RPH3A: variants seen among roughly 807,000 people sequenced by gnomAD.
RPH3A encodes the protein rabphilin-3A.
In RPH3A, 48 loss-of-function variants were observed where a neutral mutation model predicts 102.2. That is an observed-to-expected ratio of 0.47 (90% CI 0.37 to 0.60). The LOEUF (loss-of-function observed/expected upper bound fraction) is 0.60, where lower values mean the gene tolerates loss of function less well. RPH3A is among the 20% of genes least tolerant of loss of function. The probability of loss-of-function intolerance (pLI) is 0.00; values close to 1 mark genes in which losing one functional copy is unlikely to be tolerated. For missense variants in RPH3A, 781 were observed against 910.1 expected (o/e 0.86, Z 1.83); for synonymous variants, 310 against 324.3 (o/e 0.96, Z 0.47).
intron 17 of RPH3A, among the ~76,000 whole-genome samples, chr12:112,889,463 C>T (rs2043056284): frequency 6.6e-6 from 1 of 152,230 alleles, no homozygotes; most frequent in African/African-American, 2.4e-5. Context: ...AACCTTAACC[C>T]TTGCACCACG....
At chr12:112,763,621 A>C (rs1186165781) in intron 1 of RPH3A, among the ~76,000 whole-genome samples, 1 of 152,220 alleles carries the variant, frequency 6.6e-6, no homozygotes, top group Admixed American at 6.5e-5. Context: ...TTTATTATGC[A>C]GATGAAGCTT....
At chr12:112,598,639 G>A (rs1338530316) in intron 1 of RPH3A, among the ~76,000 whole-genome samples, 2 of 152,104 alleles carry the variant, frequency 1.3e-5, no homozygotes, top group East Asian at 3.8e-4. Flanking sequence ...AGCAGGCAGG[G>A]GTCATGAATA....
chr12:112,615,165 C>G (rs2039669149), intron 1 of RPH3A, among the ~76,000 whole-genome samples: 1 of 152,098 alleles, frequency 6.6e-6, no homozygotes, highest in African/African-American at 2.4e-5. Flanking sequence ...GCAAAAATAC[C>G]TAAGGCATGA....
chr12:112,812,903 G>A (rs2041604790), intron 2 of RPH3A, among the ~76,000 whole-genome samples: 2 of 152,210 alleles, frequency 1.3e-5, no homozygotes, highest in African/African-American at 4.8e-5. Context: ...CACACAGTAG[G>A]TGATAACTAC....
chr12:112,861,072 A>G (rs142885586), intron 5 of RPH3A, among the ~76,000 whole-genome samples: 1 of 152,218 alleles, frequency 6.6e-6, no homozygotes, highest in Non-Finnish European at 1.5e-5. Context: ...ATCAATGCAG[A>G]CATGCTCTGT....
rs113475850 is a variant in RPH3A, at chr12:112,724,037, T to C, written c.-139-68106T>C. ...TGCAATTATGACATACTTAACTTTT[T>C]CTTAAATTTTTTTGATTTTTTTTTT... On this transcript the variant is annotated intron_variant, in intron 1 of 21. Coordinates refer to the RPH3A transcript ENST00000543106. Among the ~76,000 whole-genome samples, 13 of 151,206 alleles carry C rather than the reference T, an allele frequency of 8.6e-5. 2 individuals are homozygous for C. The highest frequency in any genetic ancestry group is 3.1e-4 in the African/African-American group (13 of 41,280).
intron 19 of RPH3A, 21 bp downstream of exon 19, chr12:112,891,024 T>G (rs2043086386): frequency 6.2e-7 from 1 of 1,613,578 alleles, no homozygotes; most frequent in African/African-American, 1.3e-5. Context: ...GCCTTGGGGC[T>G]ACAGGTGGGC....
chr12:112,796,337 A>G (rs2041229293), intron 2 of RPH3A, among the ~76,000 whole-genome samples: 1 of 152,202 alleles, frequency 6.6e-6, no homozygotes, highest in Non-Finnish European at 1.5e-5. Flanking sequence ...TTCCCTGGGA[A>G]ATGCCTATGG....
At chr12:112,871,020 T>G (rs2136229041) in intron 10 of RPH3A, among the ~76,000 whole-genome samples, 1 of 152,360 alleles carries the variant, frequency 6.6e-6, no homozygotes. Flanking sequence ...ATGGAGAAAC[T>G]GAGCCTCAGA....
chr12:112,607,836 C>G (rs1005384177), intron 1 of RPH3A, among the ~76,000 whole-genome samples: 1 of 152,212 alleles, frequency 6.6e-6, no homozygotes, highest in Non-Finnish European at 1.5e-5. Flanking sequence ...CCATTAAATG[C>G]ACTGTTCTTT....
At chr12:112,866,698 T>C (rs2042616676) in intron 6 of RPH3A, 59 bp from the exon 7 acceptor site, 1 of 1,413,578 alleles carries the variant, frequency 7.1e-7, no homozygotes. Flanking sequence ...GGGGGCTACG[T>C]TGCCATGCCT....
intron 3 of RPH3A, among the ~76,000 whole-genome samples, chr12:112,830,801 T>A (rs954078610): frequency 1.3e-5 from 2 of 152,102 alleles, no homozygotes; most frequent in Non-Finnish European, 2.9e-5. Flanking sequence ...TTAGTTTTTT[T>A]TTTATCATTT....
At chr12:112,696,251 A>G (rs1301179523) in intron 1 of RPH3A, among the ~76,000 whole-genome samples, 16 of 152,176 alleles carry the variant, frequency 1.1e-4, no homozygotes, top group Non-Finnish European at 5.9e-5. Context: ...GGACACTTAG[A>G]TTGGTTCCAT....
intron 1 of RPH3A, among the ~76,000 whole-genome samples, chr12:112,588,460 A>G (rs1002795181): frequency 2.0e-5 from 3 of 152,208 alleles, no homozygotes; most frequent in Non-Finnish European, 4.4e-5. Flanking sequence ...ATTCACTATC[A>G]TGAAAATAGC....
rs562858535 is a variant in RPH3A at position 112,659,331 on chromosome 12, T to C, written c.-140+84012T>C. ...ATCCTTAATCTCCTTCAGTTTGGAA[T>C]GCTTTCTCAGACTTTCTTTGACTTT... is the stretch of plus-strand genomic sequence containing the variant. On this transcript the variant is annotated intron_variant, in intron 1 of 21. Coordinates refer to the RPH3A transcript ENST00000543106. Among the ~76,000 whole-genome samples the C allele has an allele frequency of 2.6e-5, 4 of 152,360 alleles. No individual in the cohort carries two copies. The South Asian group carries it at 8.3e-4, about 32-fold the overall frequency.
chr12:112,806,478 T>C (rs1191031789), intron 2 of RPH3A, among the ~76,000 whole-genome samples: 1 of 151,904 alleles, frequency 6.6e-6, no homozygotes, highest in Non-Finnish European at 1.5e-5. Context: ...CTACTAAAAA[T>C]GCAAAAATTA....
chr12:112,787,122 C>T (rs1475887399), upstream of RPH3A, among the ~76,000 whole-genome samples: 4 of 152,166 alleles, frequency 2.6e-5, no homozygotes, highest in Admixed American at 2.6e-4. Context: ...AGCCTCCCTC[C>T]TATAAGGACC....
intron 1 of RPH3A, among the ~76,000 whole-genome samples, chr12:112,596,535 T>C (rs1260235286): frequency 6.6e-6 from 1 of 152,204 alleles, no homozygotes; most frequent in Non-Finnish European, 1.5e-5. Context: ...ATCGGGTGAC[T>C]GGATGTGTGT....
At position 112,875,684 on chromosome 12, in the gene RPH3A, C is replaced by A. The variant is rs1234310813; in HGVS notation, c.889C>A (p.Pro297Thr). The A allele has an allele frequency of 6.2e-7, 1 of 1,613,586 alleles. No homozygotes were observed. The highest frequency in any genetic ancestry group is 2.2e-5 in the East Asian group (1 of 44,854). Residue 297 changes from proline to threonine, a missense_variant, in exon 12 of 22, where the codon CCA becomes ACA. Around this residue, in one of 2 missense-constraint regions of RPH3A, gnomAD observed 730 missense variants for 810.0 expected, o/e 0.90. Coordinates refer to ENST00000389385, the MANE Select transcript of RPH3A (RefSeq NM_001143854.2). ...APPQPGQPGT[P>T]GGSRPGPGPA... is the part of the protein sequence containing the mutation. ...TGTCTCCTCTCCCTGCTCAGGGACC[C>A]CAGGAGGAAGCAGACCGGGTCCTGG...
Sources: allele counts gnomAD v4.1 joint callset (sites outside exome capture counted in the v4.1 genomes callset), GRCh38; gene constraint gnomAD v4.1.1; regional missense constraint gnomAD v4.1.1; transcripts MANE v1.5; gene names NCBI Gene and HGNC (gene_info 2026-07-23, HGNC 2026-07-21).